Variants in FHIT observed in about 807,000 individuals in gnomAD.
FHIT encodes fragile histidine triad diadenosine triphosphatase, also known as bis(5'-adenosyl)-triphosphatase.
A neutral mutation model predicts 17.9 loss-of-function variants in FHIT; 19 were observed. The observed-to-expected ratio is 1.06, with a 90% CI of 0.74 to 1.56. The LOEUF is 1.56. Ranked by LOEUF, FHIT falls within the 40% of genes most tolerant of loss-of-function variation. FHIT has a pLI of 0.00. For synonymous variants in FHIT, 81 were observed against 69.7 expected (o/e 1.16, Z -0.81); for missense variants, 248 against 189.2 (o/e 1.31, Z -1.82).
At position 61,202,670 on chromosome 3, in the gene FHIT, G is replaced by A. The variant is rs149244419; in HGVS notation, c.-212-2005C>T. ...ATATATCAGAATGAAACCACAGAAC[G>A]CAGAGATAAAAATAAAATCTTAAAG... On this transcript the variant is annotated intron_variant, in intron 1 of 9. Transcript: ENST00000492590. Among the ~76,000 whole-genome samples, 1,055 of 152,032 alleles carry A rather than the reference G, an allele frequency of 6.9e-3. 5 individuals are homozygous for A. Among genetic ancestry groups the A allele is most frequent in the Middle Eastern group, 0.02 (6 of 294 alleles).
At chr3:60,167,071 A>T (rs1701208284) in intron 5 of FHIT, among the ~76,000 whole-genome samples, 1 of 152,172 alleles carries the variant, frequency 6.6e-6, no homozygotes, top group Non-Finnish European at 1.5e-5. Flanking sequence ...ATTCACATGA[A>T]GGAGTCTTCA....
intron 4 of FHIT, among the ~76,000 whole-genome samples, chr3:60,752,704 G>A (rs1259230844): frequency 2.0e-5 from 3 of 152,172 alleles, no homozygotes; most frequent in Non-Finnish European, 4.4e-5. Context: ...TGTAAGGCAT[G>A]TGTGTCCTAT....
At chr3:60,797,025 T>A (rs782715370) in intron 4 of FHIT, among the ~76,000 whole-genome samples, 6 of 152,208 alleles carry the variant, frequency 3.9e-5, no homozygotes, top group Non-Finnish European at 8.8e-5. Context: ...TTATTTGATA[T>A]ATTTTGAACC....
chr3:59,866,334 G>A (rs1279430540), intron 8 of FHIT, among the ~76,000 whole-genome samples: 1 of 152,150 alleles, frequency 6.6e-6, no homozygotes, highest in Non-Finnish European at 1.5e-5. Context: ...AATAGAAAAA[G>A]GGCAATGTAA....
At chr3:61,223,033 T>C (rs1241203812) in intron 1 of FHIT, among the ~76,000 whole-genome samples, 1 of 152,234 alleles carries the variant, frequency 6.6e-6, no homozygotes, top group Non-Finnish European at 1.5e-5. Flanking sequence ...CATTTTTTCC[T>C]TCTGCATTCA....
chr3:61,210,934 G>A (rs983455535), intron 1 of FHIT, among the ~76,000 whole-genome samples: 17 of 151,756 alleles, frequency 1.1e-4, no homozygotes, highest in African/African-American at 3.1e-4. Context: ...GTTCCTATTC[G>A]GTCATCTTGG....
At chr3:59,977,217 T>C (rs1026304439) in intron 7 of FHIT, among the ~76,000 whole-genome samples, 9 of 152,228 alleles carry the variant, frequency 5.9e-5, no homozygotes, top group Admixed American at 4.6e-4. Context: ...CCCAATATCA[T>C]ACATCTGCTG....
At chr3:59,751,037 A>G (rs1294995784) in intron 9 of FHIT, 1 of 160,652 alleles carries the variant, frequency 6.2e-6, no homozygotes, top group African/African-American at 4.2e-5. Flanking sequence ...TCTAAAAACA[A>G]AAAAGAAACT....
At chr3:60,193,698 A>G (rs1702502388) in intron 5 of FHIT, among the ~76,000 whole-genome samples, 1 of 152,138 alleles carries the variant, frequency 6.6e-6, no homozygotes, top group South Asian at 2.1e-4. Context: ...GGCTGTGGAG[A>G]TGCCACATCC....
At chr3:61,124,108 G>A (rs548502128) in intron 2 of FHIT, among the ~76,000 whole-genome samples, 43 of 152,270 alleles carry the variant, frequency 2.8e-4, no homozygotes, top group African/African-American at 9.9e-4. Context: ...CTGTACGATA[G>A]GCAACATGGC....
At chr3:59,987,701 A>T (rs904016685) in intron 7 of FHIT, among the ~76,000 whole-genome samples, 1 of 151,958 alleles carries the variant, frequency 6.6e-6, no homozygotes, top group Non-Finnish European at 1.5e-5. Context: ...TGGCACTAAA[A>T]ATCCTGAATT....
At chr3:61,010,129 T>A (rs1214704592) in intron 3 of FHIT, among the ~76,000 whole-genome samples, 1 of 152,094 alleles carries the variant, frequency 6.6e-6, no homozygotes, top group Non-Finnish European at 1.5e-5. Flanking sequence ...TCTGCGCATA[T>A]CTTCAATTAT....
chr3:60,958,194 T>C (rs1202198135), intron 3 of FHIT, among the ~76,000 whole-genome samples: 4 of 152,212 alleles, frequency 2.6e-5, no homozygotes. Context: ...TGTCAGTTTG[T>C]AGATACGCAT....
At chr3:60,328,454 G>T (rs554920204) in intron 5 of FHIT, among the ~76,000 whole-genome samples, 1 of 152,212 alleles carries the variant, frequency 6.6e-6, no homozygotes. Flanking sequence ...ATGACAGCAA[G>T]CAAGAGAGCG....
At chr3:59,965,306 T>C (rs1454299304) in intron 7 of FHIT, among the ~76,000 whole-genome samples, 3 of 152,156 alleles carry the variant, frequency 2.0e-5, no homozygotes, top group Admixed American at 6.5e-5. Context: ...ACTCAGGAGA[T>C]ATATCTGATT....
chr3:61,167,628 C>CAAAAA (rs34229498), intron 2 of FHIT, among the ~76,000 whole-genome samples: 2 of 98,900 alleles, frequency 2.0e-5, no homozygotes, highest in African/African-American at 3.7e-5. Context: ...AACTGTGTCT[C>CAAAAA]AAAAAAAAAA....
chr3:60,575,572 GA>G (rs1461974952), intron 4 of FHIT, among the ~76,000 whole-genome samples: 1 of 152,088 alleles, frequency 6.6e-6, no homozygotes. Flanking sequence ...TTAAAAGAAT[GA>G]AAGAATTAAG....
At chr3:60,561,348 A>C (rs2036938889) in intron 4 of FHIT, among the ~76,000 whole-genome samples, 1 of 152,050 alleles carries the variant, frequency 6.6e-6, no homozygotes, top group African/African-American at 2.4e-5. Flanking sequence ...CACTCAACAA[A>C]TTTCAGGTCA....
intron 5 of FHIT, among the ~76,000 whole-genome samples, chr3:60,512,160 C>T (rs964686901): frequency 6.6e-6 from 1 of 152,150 alleles, no homozygotes; most frequent in Non-Finnish European, 1.5e-5. Context: ...TATTGTGGAA[C>T]AAGACATGTC....
Sources: gnomAD v4.1 joint callset for allele counts (sites outside exome capture counted in the v4.1 genomes callset) on GRCh38, gnomAD v4.1.1 for gene constraint, MANE v1.5 for transcripts, NCBI Gene and HGNC (gene_info 2026-07-23, HGNC 2026-07-21) for gene names.